IFI44: variants seen among roughly 807,000 people sequenced by gnomAD.
IFI44 encodes interferon-induced protein 44.
IFI44 carries 42 observed loss-of-function variants against 45.0 expected under a neutral mutation model. The observed-to-expected ratio is 0.93, with a 90% CI of 0.73 to 1.21. The LOEUF (loss-of-function observed/expected upper bound fraction) is 1.21. Ranked by LOEUF, IFI44 falls within the 50% of genes most tolerant of loss-of-function variation. The probability of loss-of-function intolerance (pLI) is 0.00; values close to 1 mark genes in which losing one functional copy is unlikely to be tolerated. For missense variants in IFI44, 623 were observed against 525.8 expected (o/e 1.18, Z -1.81); for synonymous variants, 221 against 188.6 (o/e 1.17, Z -1.41).
Position 78,654,998 on chromosome 1 carries a change from G to C in IFI44, c.495-16G>C, listed in dbSNP as rs41412546. 21 of 1,530,168 alleles carry C rather than the reference G, an allele frequency of 1.4e-5. 1 individual carries two copies. The highest frequency in any genetic ancestry group is 1.9e-4 in the Middle Eastern group (1 of 5,330). The allele number at this position is 1,530,168 out of a possible 1,614,324, so 94.8% of individuals were successfully genotyped here. Reference sequence around the variant, plus strand: ...CTAACCTCAGTCAATTGTTAAAAACGGTCATGTCTAAACAGGCTCAGGAAG... The same window carrying C: ...CTAACCTCAGTCAATTGTTAAAAACCGTCATGTCTAAACAGGCTCAGGAAG... On this transcript the variant is annotated splice_polypyrimidine_tract_variant and intron_variant, in intron 3 of 8. Transcript: ENST00000370747.
At chr1:78,653,288 T>A (rs1242388993) in intron 2 of IFI44, among the ~76,000 whole-genome samples, 1 of 152,114 alleles carries the variant, frequency 6.6e-6, no homozygotes, top group East Asian at 1.9e-4. Context: ...CTATTTCCTA[T>A]ATATTTATAA....
chr1:78,663,095 C>T, intron 8 of IFI44: 5 of 985,160 alleles, frequency 5.1e-6, no homozygotes, highest in Non-Finnish European at 6.0e-6. Flanking sequence ...ATGTTTTTCC[C>T]TTTTTGTCTT....
chr1:78,663,350 G>C, intron 8 of IFI44: 1 of 985,294 alleles, frequency 1.0e-6, no homozygotes, highest in Non-Finnish European at 1.2e-6. Context: ...TCTTCATGCA[G>C]TATGGTCATT....
Position 78,659,500 on chromosome 1 carries a change from T to A in IFI44, c.1012+17T>A. The stretch of plus-strand genomic sequence containing the variant: ...TAAACGCTGGTGAGTCTCATTCCAC[T>A]TTGCTAAGGGTAATACCACTAAGGG... On this transcript the variant is annotated intron_variant, in intron 6 of 8. Coordinates refer to ENST00000370747, the MANE Select transcript of IFI44 (RefSeq NM_006417.5). 6.2e-7 allele frequency: 1 copy of A among 1,602,302 alleles called. No individual in the cohort carries two copies. Among genetic ancestry groups the A allele is most frequent in the Non-Finnish European group, 8.5e-7 (1 of 1,170,772 alleles).
rs148530756 is a variant in IFI44 at position 78,652,005 on chromosome 1, G to C, written c.457+1353G>C. 4.6e-5 allele frequency among the ~76,000 whole-genome samples: 7 copies of C among 152,168 alleles called. 1 individual carries two copies. Among genetic ancestry groups the C allele is most frequent in the African/African-American group, 7.2e-5 (3 of 41,520 alleles). On this transcript the variant is annotated intron_variant, in intron 2 of 8. Coordinates refer to ENST00000370747, the MANE Select transcript of IFI44 (RefSeq NM_006417.5). ...CAGGGGTTTTAAGTGAAGTTTATGG[G>C]CCACTTTACATATTGAAAAATTACA...
intron 7 of IFI44, among the ~76,000 whole-genome samples, chr1:78,661,947 G>T (rs935574507): frequency 4.1e-4 from 63 of 152,134 alleles, no homozygotes; most frequent in Admixed American, 8.5e-4. Context: ...GAGATAAAAT[G>T]GGCAAGGAAC....
At chr1:78,663,626 C>T (rs1312257574) in intron 8 of IFI44, 139 bp from the exon 9 acceptor site, 12 of 1,395,424 alleles carry the variant, frequency 8.6e-6, no homozygotes, top group Non-Finnish European at 1.0e-5. Flanking sequence ...CTTGGTTTCC[C>T]CATCCCTTCT....
Position 78,663,808 on chromosome 1 carries a change from A to AG in IFI44, c.1332_1333insG (p.Ter445ValfsTer4). ...TTATCAACTGTGCACAAGGAAAAAA[A>AG]TAGATATGTGAAAGGTTCACGTAAA... On this transcript the variant is annotated frameshift_variant, in exon 9 of 9. Transcript: ENST00000370747. LOFTEE classifies it high-confidence loss of function. 6.2e-7 allele frequency: 1 copy of AG among 1,612,204 alleles called. No homozygotes were observed. Among genetic ancestry groups the AG allele is most frequent in the Non-Finnish European group, 8.5e-7 (1 of 1,179,368 alleles).
intron 5 of IFI44, among the ~76,000 whole-genome samples, chr1:78,657,444 T>A (rs1164258241): frequency 6.6e-6 from 1 of 152,138 alleles, no homozygotes; most frequent in African/African-American, 2.4e-5. Flanking sequence ...AGCTAAAGTG[T>A]GTTTCAATTT....
At chr1:78,659,913 T>C (rs1301494378) in intron 6 of IFI44, among the ~76,000 whole-genome samples, 2 of 152,106 alleles carry the variant, frequency 1.3e-5, no homozygotes, top group Non-Finnish European at 2.9e-5. Flanking sequence ...AAGATGTTTG[T>C]AGGGAGAGGT....
At chr1:78,658,883 A>G (rs192594482) in intron 5 of IFI44, among the ~76,000 whole-genome samples, 52 of 152,192 alleles carry the variant, frequency 3.4e-4, no homozygotes, top group African/African-American at 1.2e-3. Flanking sequence ...TATCAGTGGG[A>G]CAGATTCCCA....
Position 78,655,216 on chromosome 1 carries a change from A to C in IFI44, c.690+7A>C. 1 of 1,610,628 alleles carries C rather than the reference A, an allele frequency of 6.2e-7. No individual in the cohort carries two copies. Among genetic ancestry groups the C allele is most frequent in the Non-Finnish European group, 8.5e-7 (1 of 1,178,002 alleles). ...AACTGGGATATCTGAGAAGGTAAGC[A>C]CATTTGAGGCCACCTAGCCTTTGCT... On this transcript the variant is annotated splice_region_variant and intron_variant, in intron 4 of 8. Coordinates refer to ENST00000370747, the MANE Select transcript of IFI44 (RefSeq NM_006417.5).
intron 2 of IFI44, 131 bp downstream of exon 2, chr1:78,650,783 G>T (rs1281109236): frequency 6.6e-6 from 4 of 602,400 alleles, no homozygotes; most frequent in Admixed American, 3.4e-5. Context: ...CTGAAACCTG[G>T]ATACAGATTG....
chr1:78,657,163 A>G (rs59224736), intron 5 of IFI44, among the ~76,000 whole-genome samples: 15,269 of 152,062 alleles, frequency 0.1, 877 homozygotes, highest in Middle Eastern at 0.15. Flanking sequence ...ATCATTCCAT[A>G]AATTATCAAA....
At chr1:78,660,798 T>G in intron 7 of IFI44, 144 bp downstream of exon 7, 1 of 682,146 alleles carries the variant, frequency 1.5e-6, no homozygotes, top group East Asian at 2.8e-5. Flanking sequence ...TTCCCAAGAT[T>G]TAAAAATTAA....
chr1:78,652,809 T>C (rs1647145706), intron 2 of IFI44, among the ~76,000 whole-genome samples: 1 of 152,196 alleles, frequency 6.6e-6, no homozygotes, highest in Non-Finnish European at 1.5e-5. Context: ...TTGGTACATA[T>C]AATTGTTTTT....
At chr1:78,663,588 A>T in intron 8 of IFI44, 177 bp from the exon 9 acceptor site, 4 of 985,338 alleles carry the variant, frequency 4.1e-6, no homozygotes, top group Non-Finnish European at 4.8e-6. Context: ...CTCTCATGTT[A>T]CTAACTTTGT....
chr1:78,654,005 CT>C (rs1309877682), intron 2 of IFI44, among the ~76,000 whole-genome samples: 2 of 152,274 alleles, frequency 1.3e-5, no homozygotes, highest in East Asian at 3.9e-4. Flanking sequence ...GAGAAGAGAT[CT>C]GCTGATAGTA....
intron 5 of IFI44, among the ~76,000 whole-genome samples, chr1:78,657,094 C>CAT (rs1272394035): frequency 6.6e-6 from 1 of 151,650 alleles, no homozygotes; most frequent in Admixed American, 6.6e-5. Flanking sequence ...TAAATAGGAG[C>CAT]ATATATATAT....
Sources: allele counts gnomAD v4.1 joint callset (sites outside exome capture counted in the v4.1 genomes callset), GRCh38; gene constraint gnomAD v4.1.1; transcripts MANE v1.5; gene names NCBI Gene and HGNC (gene_info 2026-07-23, HGNC 2026-07-21).